Variants in XRCC4 observed in about 807,000 individuals in gnomAD.
The protein encoded by XRCC4 is X-ray repair cross complementing 4.
XRCC4 carries 28 observed loss-of-function variants against 39.1 expected under a neutral mutation model. The ratio of observed to expected loss-of-function variants is 0.72; its 90% CI spans 0.53 to 0.98. The LOEUF (loss-of-function observed/expected upper bound fraction) is 0.98, where lower values mean the gene tolerates loss of function less well. Among genes scored for constraint, XRCC4 ranks in the 50% least tolerant of loss-of-function variants. The probability of loss-of-function intolerance (pLI) is 0.00; values close to 1 mark genes in which losing one functional copy is unlikely to be tolerated. For synonymous variants in XRCC4, 123 were observed against 126.4 expected (o/e 0.97, Z 0.18); for missense variants, 350 against 376.4 (o/e 0.93, Z 0.58).
At chr5:83,365,092 T>C in the XRCC4 span, among the ~76,000 whole-genome samples, 21 of 152,052 alleles carry the variant, frequency 1.4e-4, no homozygotes, top group African/African-American at 5.1e-4. Context: ...CTCCTGAGAG[T>C]TGCACTCAGA....
intron 7 of XRCC4, 146 bp downstream of exon 7, chr5:83,258,823 A>G: frequency 9.9e-7 from 1 of 1,011,272 alleles, no homozygotes; most frequent in Non-Finnish European, 1.4e-6. Context: ...GTTTGAATCA[A>G]TGTATTGTTT....
At chr5:83,196,508 A>G (rs1326973800) in intron 4 of XRCC4, among the ~76,000 whole-genome samples, 1 of 151,464 alleles carries the variant, frequency 6.6e-6, no homozygotes, top group Non-Finnish European at 1.5e-5. Context: ...GAAAAAAATA[A>G]TTTTTTTTTA....
At chr5:83,285,597 AG>A (rs1252037775) in intron 7 of XRCC4, among the ~76,000 whole-genome samples, 1 of 152,174 alleles carries the variant, frequency 6.6e-6, no homozygotes, top group Admixed American at 6.5e-5. Flanking sequence ...GAATCAAAAG[AG>A]TGTCTTTTCA....
At chr5:83,192,183 CAT>C (rs1198593353) in intron 3 of XRCC4, among the ~76,000 whole-genome samples, 4 of 148,506 alleles carry the variant, frequency 2.7e-5, no homozygotes, top group Admixed American at 6.8e-5. Flanking sequence ...CGTATACATA[CAT>C]ATATATGTAT....
chr5:83,223,294 A>G (rs181949338), intron 6 of XRCC4, among the ~76,000 whole-genome samples: 10 of 152,076 alleles, frequency 6.6e-5, no homozygotes, highest in African/African-American at 2.2e-4. Context: ...ATTGTCATCT[A>G]TCCTTTTCAG....
chr5:83,262,174 T>G (rs913161260), intron 7 of XRCC4, among the ~76,000 whole-genome samples: 4 of 152,170 alleles, frequency 2.6e-5, no homozygotes, highest in Admixed American at 2.6e-4. Context: ...TTTATCCTTC[T>G]TACAGATGAA....
intron 7 of XRCC4, among the ~76,000 whole-genome samples, chr5:83,274,910 G>C (rs924479776): frequency 2.0e-5 from 3 of 152,178 alleles, no homozygotes; most frequent in African/African-American, 7.2e-5. Context: ...GTTTTTAAAA[G>C]ATTGCTATTA....
At chr5:83,136,976 C>T (rs895619818) in intron 3 of XRCC4, among the ~76,000 whole-genome samples, 2 of 151,974 alleles carry the variant, frequency 1.3e-5, no homozygotes, top group African/African-American at 4.8e-5. Flanking sequence ...AAGAGGTAAC[C>T]GTGTGGTGAT....
chr5:83,098,808 GA>G lies in XRCC4; in HGVS notation c.-10-6098del, dbSNP rs1317064657. 7.3e-5 allele frequency among the ~76,000 whole-genome samples: 11 copies of G among 150,208 alleles called. No individual in the cohort carries two copies. In the East Asian group the frequency reaches 2.1e-3, roughly 29 times the overall value. Reference sequence around the variant, plus strand: ...GGGAGTGGGTATTCTGATAAAAAAGGAAAATGCAAATAGTCAGTGCTTTTAA... The same window carrying G: ...GGGAGTGGGTATTCTGATAAAAAAGGAAATGCAAATAGTCAGTGCTTTTAA... On this transcript the variant is annotated intron_variant, in intron 1 of 7. Coordinates refer to ENST00000396027, the MANE Select transcript of XRCC4 (RefSeq NM_003401.5).
chr5:83,171,855 A>G (rs1168656401), intron 3 of XRCC4, among the ~76,000 whole-genome samples: 1 of 152,210 alleles, frequency 6.6e-6, no homozygotes, highest in Non-Finnish European at 1.5e-5. Context: ...TTATTTATGC[A>G]TTCATGCTAA....
chr5:83,306,440 A>G (rs1408073786), intron 7 of XRCC4, among the ~76,000 whole-genome samples: 2 of 152,208 alleles, frequency 1.3e-5, no homozygotes, highest in African/African-American at 4.8e-5. Context: ...TTCTAGCCAC[A>G]TTTTAAAATA....
chr5:83,176,892 G>A (rs1459710576), intron 3 of XRCC4, among the ~76,000 whole-genome samples: 2 of 152,050 alleles, frequency 1.3e-5, no homozygotes, highest in African/African-American at 4.8e-5. Context: ...AAAGTGCTAG[G>A]ATTACAGACA....
At chr5:83,223,838 C>A (rs917104123) in intron 6 of XRCC4, among the ~76,000 whole-genome samples, 3 of 107,130 alleles carry the variant, frequency 2.8e-5, no homozygotes, top group Admixed American at 1.2e-4. Context: ...CCCCTCCCCC[C>A]ACCCCATGAC....
At chr5:83,236,254 C>T (rs890575836) in intron 6 of XRCC4, among the ~76,000 whole-genome samples, 7 of 151,870 alleles carry the variant, frequency 4.6e-5, no homozygotes, top group Non-Finnish European at 7.4e-5. Flanking sequence ...ACTATCATAG[C>T]CAAAGGAATC....
chr5:83,107,396 A>C (rs116721189), intron 2 of XRCC4, among the ~76,000 whole-genome samples: 2,218 of 151,900 alleles, frequency 0.015, 60 homozygotes, highest in African/African-American at 0.051. Flanking sequence ...TTTTTTGTTC[A>C]ACATTTTGAT....
chr5:83,092,301 G>A (rs1020614493), intron 1 of XRCC4, among the ~76,000 whole-genome samples: 1 of 152,066 alleles, frequency 6.6e-6, no homozygotes, highest in African/African-American at 2.4e-5. Flanking sequence ...TCTTAATTCT[G>A]TAGGTTGTCT....
At chr5:83,186,496 G>A (rs1048542312) in intron 3 of XRCC4, among the ~76,000 whole-genome samples, 8 of 152,036 alleles carry the variant, frequency 5.3e-5, no homozygotes, top group Non-Finnish European at 1.0e-4. Flanking sequence ...CCTTTCTCTT[G>A]TAAGGACCAT....
the XRCC4 span, among the ~76,000 whole-genome samples, chr5:83,361,468 A>G: frequency 1.3e-5 from 2 of 152,150 alleles, no homozygotes; most frequent in African/African-American, 2.4e-5. Context: ...GTGCTGAGCC[A>G]TCATGGAACT....
At chr5:83,348,420 C>T (rs1228369062) in intron 7 of XRCC4, among the ~76,000 whole-genome samples, 2 of 152,262 alleles carry the variant, frequency 1.3e-5, no homozygotes, top group African/African-American at 2.4e-5. Context: ...GCAGGCTTAA[C>T]ACCACATGGA....
Sources: allele counts gnomAD v4.1 joint callset (sites outside exome capture counted in the v4.1 genomes callset), GRCh38; gene constraint gnomAD v4.1.1; transcripts MANE v1.5; gene names NCBI Gene and HGNC (gene_info 2026-07-23, HGNC 2026-07-21).